APTX: variants seen among roughly 807,000 people sequenced by gnomAD.
APTX encodes forkhead-associated domain histidine triad-like protein.
Under a neutral mutation model 42.3 loss-of-function variants are expected in APTX, and 33 were observed. The observed-to-expected ratio is 0.78, with a 90% CI of 0.59 to 1.04. APTX has a LOEUF of 1.04. Ranked by LOEUF, APTX falls within the 50% of genes least tolerant of loss-of-function variation. The pLI is 0.00. For synonymous variants in APTX, 130 were observed against 146.7 expected (o/e 0.89, Z 0.82); for missense variants, 421 against 415.1 (o/e 1.01, Z -0.12).
At chr9:33,015,950 T>TG (rs1837870958) in intron 1 of APTX, 1 of 152,180 alleles carries the variant, frequency 6.6e-6, no homozygotes, top group African/African-American at 2.4e-5. Flanking sequence ...ATATCAAACT[T>TG]AAGTTAGAAT....
chr9:32,989,256 T>C (rs778805148), intron 2 of APTX, among the ~76,000 whole-genome samples: 10 of 152,182 alleles, frequency 6.6e-5, no homozygotes, highest in Non-Finnish European at 1.3e-4. Context: ...CAGCCAGCAG[T>C]GTGCATGTTT....
At chr9:32,991,674 G>A (rs1366787197) in intron 1 of APTX, among the ~76,000 whole-genome samples, 1 of 151,862 alleles carries the variant, frequency 6.6e-6, no homozygotes, top group Non-Finnish European at 1.5e-5. Context: ...CTACTCGGGA[G>A]GCTGAGGCAG....
intron 1 of APTX, among the ~76,000 whole-genome samples, chr9:33,018,521 T>C (rs1172830689): frequency 6.2e-5 from 9 of 144,886 alleles, no homozygotes; most frequent in Non-Finnish European, 1.4e-4. Context: ...TGAGCCGAGA[T>C]TGTGCCATTG....
At position 32,973,312 on chromosome 9, in the gene APTX, C is replaced by G. The variant is rs1828485026; in HGVS notation, c.*186G>C. 1.3e-6 allele frequency: 1 copy of G among 749,214 alleles called. No homozygotes were observed. The highest frequency in any genetic ancestry group is 1.7e-5 in the African/African-American group (1 of 57,974). 46.4% of individuals were successfully genotyped at this position (749,214 alleles called of 1,614,324 possible). A position where few individuals can be genotyped will look rare whatever the true frequency, so the allele number is the denominator to read the frequency against. On this transcript the variant is annotated 3_prime_UTR_variant, in exon 8 of 8. Coordinates refer to ENST00000379817, the MANE Select transcript of APTX (RefSeq NM_001195248.2). ...CCAGAGAATACATCTATGACAAACC[C>G]AAATTCCTAATCCTGAAGTACTTTG...
upstream of APTX, among the ~76,000 whole-genome samples, chr9:33,006,254 C>A (rs1837130429): frequency 6.6e-6 from 1 of 151,870 alleles, no homozygotes; most frequent in Non-Finnish European, 1.5e-5. Context: ...GACCCTCTCT[C>A]TATAAAAAAA....
chr9:32,993,656 C>T (rs1834161590), intron 1 of APTX, among the ~76,000 whole-genome samples: 1 of 151,966 alleles, frequency 6.6e-6, no homozygotes, highest in Non-Finnish European at 1.5e-5. Context: ...TCTCTTTGGG[C>T]AATCCCATCC....
At position 33,001,182 on chromosome 9, in the gene APTX, G is replaced by A; in HGVS notation, c.-5+385C>T. ...TCTTCTGGCATTCCCTACAAGGCCT[G>A]TTGAGGATGCTGCTAAGGTCCCTCA... is the stretch of plus-strand genomic sequence containing the variant. On this transcript the variant is annotated intron_variant, in intron 1 of 7. Transcript: ENST00000379817. 3.8e-5 allele frequency: 16 copies of A among 426,624 alleles called. 3 individuals are homozygous for A. Among genetic ancestry groups the A allele is most frequent in the Non-Finnish European group, 4.8e-5 (14 of 292,556 alleles). The allele number at this position is 426,624 out of a possible 1,614,324, so 26.4% of individuals were successfully genotyped here.
intron 1 of APTX, among the ~76,000 whole-genome samples, chr9:33,012,264 G>T (rs1157639108): frequency 4.6e-5 from 7 of 151,910 alleles, no homozygotes; most frequent in Non-Finnish European, 1.0e-4. Flanking sequence ...ATATTTTAGA[G>T]AGAGAGGATA....
chr9:32,998,336 ATAT>A (rs1373634639), intron 1 of APTX, among the ~76,000 whole-genome samples: 1 of 152,210 alleles, frequency 6.6e-6, no homozygotes, highest in East Asian at 1.9e-4. Context: ...AATGCTGGTA[ATAT>A]TATGTATCTG....
chr9:33,014,322 C>T (rs770876748), intron 1 of APTX, among the ~76,000 whole-genome samples: 2 of 151,396 alleles, frequency 1.3e-5, no homozygotes, highest in Admixed American at 6.6e-5. Flanking sequence ...CCTGGCCTCA[C>T]TCCCATATTT....
chr9:33,022,718 A>G (rs1838486736), intron 1 of APTX, among the ~76,000 whole-genome samples: 1 of 152,266 alleles, frequency 6.6e-6, no homozygotes. Flanking sequence ...ACAAAGTGAA[A>G]AGGGCAAGCT....
chr9:32,988,686 GAAAAAAAAAAAAAAA>G lies in APTX; in HGVS notation c.134-572_134-558del, dbSNP rs201425898. Reference sequence around the variant, plus strand: ...ACAGAGTGAGACCCTATCTCAGGAGGAAAAAAAAAAAAAAAAAAAAAAAAAAAGATCCATTTCTCA... The same window carrying G: ...ACAGAGTGAGACCCTATCTCAGGAGGAAAAAAAAAAAAGATCCATTTCTCA... On this transcript the variant is annotated intron_variant, in intron 2 of 7. Coordinates refer to ENST00000379817, the MANE Select transcript of APTX (RefSeq NM_001195248.2). Among the ~76,000 whole-genome samples, 18 of 70,890 alleles carry G rather than the reference GAAAAAAAAAAAAAAA, an allele frequency of 2.5e-4. No individual in the cohort carries two copies. In the East Asian group the frequency reaches 6.3e-3, roughly 25 times the overall value. The allele number at this position is 70,890 out of a possible 152,430, so 46.5% of individuals were successfully genotyped here.
intron 1 of APTX, among the ~76,000 whole-genome samples, chr9:32,991,355 A>G (rs1833590851): frequency 6.6e-6 from 1 of 152,254 alleles, no homozygotes; most frequent in African/African-American, 2.4e-5. Flanking sequence ...TAAAAGAGAA[A>G]GAGACAAGAA....
At chr9:33,009,793 A>T (rs1016025758) in intron 1 of APTX, among the ~76,000 whole-genome samples, 4 of 151,938 alleles carry the variant, frequency 2.6e-5, no homozygotes, top group African/African-American at 7.2e-5. Context: ...TCTCTAAAAA[A>T]AATAATAATA....
chr9:33,008,219 C>T (rs999017126), intron 1 of APTX, among the ~76,000 whole-genome samples: 2 of 150,910 alleles, frequency 1.3e-5, no homozygotes, highest in African/African-American at 2.4e-5. Flanking sequence ...CTTATTTTTT[C>T]TTTATAATTA....
intron 4 of APTX, 25 bp from the exon 5 acceptor site, chr9:32,986,055 C>CAAAAA (rs748400752): frequency 2.1e-5 from 11 of 522,904 alleles, no homozygotes; most frequent in Admixed American, 1.2e-4. Flanking sequence ...AAAAAAAAAA[C>CAAAAA]AAAAAAAAAA....
chr9:33,000,036 T>C (rs1252254813), intron 1 of APTX, among the ~76,000 whole-genome samples: 3 of 152,244 alleles, frequency 2.0e-5, no homozygotes, highest in South Asian at 2.1e-4. Flanking sequence ...AAAAACAATA[T>C]AGAACAGTGG....
intron 1 of APTX, among the ~76,000 whole-genome samples, chr9:33,008,772 G>T (rs143531415): frequency 0.071 from 10,735 of 151,894 alleles, 511 homozygotes; most frequent in Non-Finnish European, 0.11. Flanking sequence ...GGCTGGTATC[G>T]AACTCCTGAC....
chr9:33,007,381 C>T (rs1331393271), intron 1 of APTX, among the ~76,000 whole-genome samples: 1 of 152,176 alleles, frequency 6.6e-6, no homozygotes, highest in African/African-American at 2.4e-5. Context: ...TTATGAAGGT[C>T]ATTGTGGCTG....
Sources: allele counts gnomAD v4.1 joint callset (sites outside exome capture counted in the v4.1 genomes callset), GRCh38; gene constraint gnomAD v4.1.1; transcripts MANE v1.5; gene names NCBI Gene and HGNC (gene_info 2026-07-23, HGNC 2026-07-21).